Variants in DNMBP observed in about 807,000 individuals in gnomAD.
DNMBP encodes the protein dynamin binding protein.
Under a neutral mutation model 150.0 loss-of-function variants are expected in DNMBP, and 87 were observed. The observed-to-expected ratio is 0.58, with a 90% confidence interval of 0.49 to 0.69. The LOEUF (loss-of-function observed/expected upper bound fraction) is 0.69. DNMBP is among the 30% of genes least tolerant of loss of function. The pLI is 0.00. For synonymous variants in DNMBP, 711 were observed against 750.4 expected (o/e 0.95, Z 0.86); for missense variants, 1,774 against 1,949.0 (o/e 0.91, Z 1.69).
At chr10:99,908,853 T>C in intron 5 of DNMBP, 100 bp downstream of exon 5, 1 of 1,137,652 alleles carries the variant, frequency 8.8e-7, no homozygotes, top group African/African-American at 1.6e-5. Flanking sequence ...AGTTTCTATT[T>C]CAAATCCAAT....
At chr10:99,960,669 G>A (rs191053022) in intron 3 of DNMBP, among the ~76,000 whole-genome samples, 5 of 152,104 alleles carry the variant, frequency 3.3e-5, no homozygotes, top group Admixed American at 2.6e-4. Context: ...AGCCAGGTGG[G>A]GGGGTGCACG....
chr10:99,952,929 C>T (rs1025116795), intron 4 of DNMBP, among the ~76,000 whole-genome samples: 6 of 152,104 alleles, frequency 3.9e-5, no homozygotes, highest in Admixed American at 2.6e-4. Flanking sequence ...TTCCTAGACC[C>T]CCTGGGTTGC....
chr10:99,994,430 C>T (rs1237414968), intron 1 of DNMBP, among the ~76,000 whole-genome samples: 1 of 152,022 alleles, frequency 6.6e-6, no homozygotes, highest in Non-Finnish European at 1.5e-5. Context: ...ATCACCCAGG[C>T]GGAGGGGAAC....
chr10:99,965,910 C>T (rs2040614950), intron 3 of DNMBP, among the ~76,000 whole-genome samples: 1 of 152,156 alleles, frequency 6.6e-6, no homozygotes, highest in Admixed American at 6.5e-5. Context: ...GAAGTTGAAG[C>T]GCCATCCCAA....
chr10:99,954,218 T>G (rs1240082568), intron 4 of DNMBP, among the ~76,000 whole-genome samples: 2 of 151,816 alleles, frequency 1.3e-5, no homozygotes, highest in Non-Finnish European at 2.9e-5. Context: ...TGTATTTTTT[T>G]GTAGAAGCAG....
intron 4 of DNMBP, among the ~76,000 whole-genome samples, chr10:99,954,817 G>A (rs1323814631): frequency 2.0e-5 from 3 of 150,774 alleles, no homozygotes; most frequent in Non-Finnish European, 2.9e-5. Flanking sequence ...TTGGGAGGCC[G>A]AGGCAGGTGG....
chr10:99,940,454 G>C (rs758536440), intron 4 of DNMBP, among the ~76,000 whole-genome samples: 1 of 152,032 alleles, frequency 6.6e-6, no homozygotes, highest in Non-Finnish European at 1.5e-5. Context: ...CTGATCCCAG[G>C]CCAATCTCTC....
chr10:99,939,068 A>G (rs973115981), intron 4 of DNMBP, among the ~76,000 whole-genome samples: 1 of 152,028 alleles, frequency 6.6e-6, no homozygotes, highest in Non-Finnish European at 1.5e-5. Context: ...AAGGAGAGAG[A>G]AGAGACAGAG....
intron 1 of DNMBP, among the ~76,000 whole-genome samples, chr10:99,980,328 T>A (rs2040769024): frequency 6.6e-6 from 1 of 150,926 alleles, no homozygotes; most frequent in Admixed American, 6.6e-5. Context: ...ATGCCTACAA[T>A]CCCAGCTACT....
At chr10:100,000,982 C>T (rs1249196245) in intron 1 of DNMBP, among the ~76,000 whole-genome samples, 2 of 151,052 alleles carry the variant, frequency 1.3e-5, no homozygotes, top group Non-Finnish European at 2.9e-5. Flanking sequence ...CCTGTAATCC[C>T]AGCACTTTGG....
At chr10:99,914,024 A>G (rs934743488) in intron 4 of DNMBP, 1 of 1,509,490 alleles carries the variant, frequency 6.6e-7, no homozygotes, top group Non-Finnish European at 8.9e-7. Context: ...GAATCTTCCC[A>G]GAGCTCTGGA....
intron 11 of DNMBP, among the ~76,000 whole-genome samples, chr10:99,891,830 A>G (rs1467739811): frequency 1.1e-4 from 15 of 133,000 alleles, no homozygotes; most frequent in African/African-American, 4.4e-4. Flanking sequence ...CCGCCGCCCC[A>G]TCTGGGATGT....
At chr10:99,893,520 A>G (rs754415407) in intron 11 of DNMBP, among the ~76,000 whole-genome samples, 5 of 152,174 alleles carry the variant, frequency 3.3e-5, no homozygotes, top group Non-Finnish European at 5.9e-5. Flanking sequence ...TGGATCATGA[A>G]GTCAAGAGAT....
intron 1 of DNMBP, among the ~76,000 whole-genome samples, chr10:100,005,933 A>G (rs1168477011): frequency 6.6e-6 from 1 of 152,236 alleles, no homozygotes; most frequent in Non-Finnish European, 1.5e-5. Context: ...CATGAGATGA[A>G]TGGGACAAGG....
At chr10:99,926,219 A>G (rs1395851885) in intron 4 of DNMBP, among the ~76,000 whole-genome samples, 3 of 152,226 alleles carry the variant, frequency 2.0e-5, no homozygotes, top group Non-Finnish European at 4.4e-5. Flanking sequence ...AGTAGCTCAC[A>G]TTGTACTAAT....
chr10:99,950,582 AAGG>A (rs1317116518), intron 4 of DNMBP, among the ~76,000 whole-genome samples: 1 of 152,206 alleles, frequency 6.6e-6, no homozygotes, highest in East Asian at 1.9e-4. Flanking sequence ...GTGGTCTCAG[AAGG>A]AGATGAGGAA....
chr10:99,893,531 C>T (rs760086394), intron 11 of DNMBP, among the ~76,000 whole-genome samples: 11 of 152,166 alleles, frequency 7.2e-5, no homozygotes, highest in South Asian at 4.1e-4. Flanking sequence ...GTCAAGAGAT[C>T]GACACCATCC....
Position 99,886,373 on chromosome 10 carries a change from CAGTTGG to C in DNMBP, c.3539_3544del (p.Thr1180_Cys1182delinsSer). On this transcript the variant is annotated inframe_deletion, in exon 13 of 17. Transcript: ENST00000324109. ...GTGGGCTTCAGCATAGCCGTGGACACAGTTGGTGAAGAGGCCCTGGGCGTACTGGTG... is the reference window on the plus strand; with the variant it reads ...GTGGGCTTCAGCATAGCCGTGGACACTGAAGAGGCCCTGGGCGTACTGGTG... 1 of 1,614,140 alleles carries C rather than the reference CAGTTGG, an allele frequency of 6.2e-7. No homozygotes were observed.
intron 15 of DNMBP, among the ~76,000 whole-genome samples, chr10:99,883,016 T>C (rs2039393795): frequency 2.0e-5 from 3 of 151,898 alleles, no homozygotes; most frequent in Admixed American, 2.0e-4. Flanking sequence ...TGCTGCACTC[T>C]AGCCTGGGTG....
Sources: allele counts gnomAD v4.1 joint callset (sites outside exome capture counted in the v4.1 genomes callset), GRCh38; gene constraint gnomAD v4.1.1; transcripts MANE v1.5; gene names NCBI Gene and HGNC (gene_info 2026-07-23, HGNC 2026-07-21).